LRRIQ1: variants seen among roughly 807,000 people sequenced by gnomAD.
The protein encoded by LRRIQ1 is leucine rich repeats and IQ motif containing 1.
A neutral mutation model predicts 211.9 loss-of-function variants in LRRIQ1; 210 were observed. The observed-to-expected ratio is 0.99, with a 90% CI of 0.89 to 1.11. The LOEUF is 1.11. Ranked by LOEUF, LRRIQ1 falls within the 50% of genes most tolerant of loss-of-function variation. The probability of loss-of-function intolerance (pLI) is 0.00; values close to 1 mark genes in which losing one functional copy is unlikely to be tolerated. For synonymous variants in LRRIQ1, 699 were observed against 650.1 expected, an observed-to-expected ratio of 1.08 and a Z score of -1.14; for missense variants, 2,136 against 1,939.5, an observed-to-expected ratio of 1.10 and a Z score of -1.90.
chr12:85,158,754 C>T (rs968827485), intron 23 of LRRIQ1, among the ~76,000 whole-genome samples: 1 of 151,880 alleles, frequency 6.6e-6, no homozygotes, highest in Non-Finnish European at 1.5e-5. Context: ...GCAACTTACA[C>T]CTGCTGTTGA....
At chr12:85,111,242 A>G (rs1382265187) in intron 15 of LRRIQ1, among the ~76,000 whole-genome samples, 1 of 152,126 alleles carries the variant, frequency 6.6e-6, no homozygotes, top group Non-Finnish European at 1.5e-5. Context: ...AGAGAGGGAA[A>G]GGGACCGACC....
chr12:85,115,463 A>G (rs1226481165), intron 15 of LRRIQ1, among the ~76,000 whole-genome samples: 7 of 152,226 alleles, frequency 4.6e-5, no homozygotes, highest in Admixed American at 4.6e-4. Context: ...TAAATATCCA[A>G]GCAAACTAAA....
chr12:85,059,669 A>G (rs185674115), intron 8 of LRRIQ1, among the ~76,000 whole-genome samples: 1 of 152,120 alleles, frequency 6.6e-6, no homozygotes, highest in Admixed American at 6.6e-5. Context: ...TCATTACCTG[A>G]TTATAGGATG....
chr12:85,168,048 T>A (rs746036136), intron 24 of LRRIQ1, among the ~76,000 whole-genome samples: 1 of 152,142 alleles, frequency 6.6e-6, no homozygotes, highest in East Asian at 1.9e-4. Flanking sequence ...TTAGTACAAG[T>A]GTATACATGC....
In LRRIQ1 at chr12:85,127,843, T is replaced by G. The variant is rs1290131659; in HGVS notation, c.4019T>G (p.Val1340Gly). 6.2e-7 allele frequency: 1 copy of G among 1,613,936 alleles called. No individual in the cohort carries two copies. The highest frequency in any genetic ancestry group is 8.5e-7 in the Non-Finnish European group (1 of 1,179,890). The change falls in exon 18 of 27, where the codon GTG becomes GGG. Residue 1340 changes from valine to glycine, a missense_variant. Transcript: ENST00000393217. ...TCTCCTCTTAATAGTATGGCAGCTG[T>G]GGTAATCCAGTCATACTGGCGTGGT... ...IEPSEKIMAAVVIQSYWRGYL... is the reference protein window; with the variant it reads ...IEPSEKIMAAGVIQSYWRGYL...
chr12:85,217,504 ATATATGTGTGTGTGTGTGTGTG>A (rs1413651723), intron 24 of LRRIQ1, among the ~76,000 whole-genome samples: 39 of 67,054 alleles, frequency 5.8e-4, no homozygotes, highest in African/African-American at 4.3e-3. Flanking sequence ...ATATATATAT[ATATATGTGTGTGTGTGTGTGTG>A]TGTGTGTGTG....
chr12:85,047,113 G>A, intron 5 of LRRIQ1, 134 bp from the exon 6 acceptor site: 1 of 571,888 alleles, frequency 1.7e-6, no homozygotes, highest in Admixed American at 3.7e-5. Context: ...TAACAAACCT[G>A]CACGTTGTGC....
intron 20 of LRRIQ1, 83 bp downstream of exon 20, chr12:85,152,452 A>G (rs1890306342): frequency 4.1e-6 from 4 of 981,886 alleles, no homozygotes; most frequent in Non-Finnish European, 5.8e-6. Flanking sequence ...TAATAATACA[A>G]TTTATTGACT....
chr12:85,209,683 A>G lies in LRRIQ1; in HGVS notation c.4823-19834A>G, dbSNP rs74111610. 7.2e-3 allele frequency among the ~76,000 whole-genome samples: 1,092 copies of G among 152,278 alleles called. 11 individuals carry two copies. The highest frequency in any genetic ancestry group is 0.026 in the African/African-American group (1,062 of 41,562). On this transcript the variant is annotated intron_variant, in intron 24 of 26. Transcript: ENST00000393217. Reference sequence around the variant, plus strand: ...TCTGTACCTAAGAAATTGATGCCTAAGATTTATTCTTAATATTTTGAGGTA... The same window carrying G: ...TCTGTACCTAAGAAATTGATGCCTAGGATTTATTCTTAATATTTTGAGGTA...
At chr12:85,098,048 A>C (rs918962380) in intron 11 of LRRIQ1, among the ~76,000 whole-genome samples, 5 of 152,144 alleles carry the variant, frequency 3.3e-5, no homozygotes, top group African/African-American at 1.2e-4. Flanking sequence ...AAGTCGTTAT[A>C]TCTCTCCCTT....
In LRRIQ1 at chr12:85,245,005, A is replaced by T; in HGVS notation, c.*64A>T. The T allele has an allele frequency of 6.3e-7, 1 of 1,577,664 alleles. No individual in the cohort carries two copies. The highest frequency in any genetic ancestry group is 8.6e-7 in the Non-Finnish European group (1 of 1,160,178). On this transcript the variant is annotated 3_prime_UTR_variant, in exon 27 of 27. Transcript: ENST00000393217. ...CATTCTTTTTCAGATAGGGGGTAGG[A>T]TGCCAGCAACCTGAACTGCCCAAAA...
chr12:85,231,912 G>A (rs1486689269), intron 25 of LRRIQ1, among the ~76,000 whole-genome samples: 2 of 152,112 alleles, frequency 1.3e-5, no homozygotes, highest in Non-Finnish European at 2.9e-5. Context: ...CAAACCATAA[G>A]AGAAAGCATC....
chr12:85,163,857 C>T (rs1288358957), intron 24 of LRRIQ1, among the ~76,000 whole-genome samples: 1 of 149,680 alleles, frequency 6.7e-6, no homozygotes, highest in Admixed American at 6.6e-5. Flanking sequence ...AAAATGTTGA[C>T]CATTTTTGTC....
At chr12:85,191,555 T>C (rs1456441597) in intron 24 of LRRIQ1, among the ~76,000 whole-genome samples, 2 of 152,058 alleles carry the variant, frequency 1.3e-5, no homozygotes, top group African/African-American at 4.8e-5. Flanking sequence ...ACAGTTTATG[T>C]AACCATCCAC....
chr12:85,229,692 C>T, intron 25 of LRRIQ1, 43 bp downstream of exon 25: 2 of 1,576,108 alleles, frequency 1.3e-6, no homozygotes, highest in Non-Finnish European at 1.7e-6. Flanking sequence ...ATTGTAAACA[C>T]ATCTTGAAAA....
chr12:85,041,970 A>G (rs1490394858), intron 3 of LRRIQ1, among the ~76,000 whole-genome samples: 3 of 151,946 alleles, frequency 2.0e-5, no homozygotes, highest in Non-Finnish European at 2.9e-5. Flanking sequence ...CCCGAACACC[A>G]GCATGAATTG....
intron 13 of LRRIQ1, among the ~76,000 whole-genome samples, chr12:85,102,959 A>AATATATATATATATATAT (rs1197049295): frequency 1.8e-5 from 2 of 108,498 alleles, no homozygotes; most frequent in Admixed American, 9.7e-5. Flanking sequence ...AAAAAAAAAA[A>AATATATATATATATATAT]ATATATATAT....
intron 1 of LRRIQ1, among the ~76,000 whole-genome samples, chr12:85,256,817 T>C (rs1198770343): frequency 1.3e-5 from 2 of 150,740 alleles, no homozygotes; most frequent in Non-Finnish European, 1.5e-5. Flanking sequence ...AGAAGAAAGA[T>C]TTTAAATTAA....
chr12:85,081,986 G>C (rs1167140211), intron 11 of LRRIQ1, among the ~76,000 whole-genome samples: 1 of 151,886 alleles, frequency 6.6e-6, no homozygotes, highest in Non-Finnish European at 1.5e-5. Flanking sequence ...GCGTCCCAAA[G>C]TGCTCAGATT....
Sources: allele counts gnomAD v4.1 joint callset (sites outside exome capture counted in the v4.1 genomes callset), GRCh38; gene constraint gnomAD v4.1.1; transcripts MANE v1.5; gene names NCBI Gene and HGNC (gene_info 2026-07-23, HGNC 2026-07-21).